Variants in FAM120B observed in about 807,000 individuals in gnomAD.
The protein encoded by FAM120B is family with sequence similarity 120 member B, also known as constitutive coactivator of peroxisome proliferator-activated receptor gamma.
Under a neutral mutation model 96.3 loss-of-function variants are expected in FAM120B, and 83 were observed. The observed-to-expected ratio is 0.86, with a 90% CI of 0.72 to 1.03. FAM120B has a LOEUF of 1.03. Ranked by LOEUF, FAM120B falls within the 50% of genes least tolerant of loss-of-function variation. FAM120B has a pLI of 0.00. For missense variants in FAM120B, 1,027 were observed against 1,121.2 expected, an observed-to-expected ratio of 0.92 and a Z score of 1.20; for synonymous variants, 407 against 402.7, an observed-to-expected ratio of 1.01 and a Z score of -0.13.
chr6:170,311,723 G>T (rs1207981990), intron 1 of FAM120B, among the ~76,000 whole-genome samples: 1 of 152,230 alleles, frequency 6.6e-6, no homozygotes, highest in Non-Finnish European at 1.5e-5. Flanking sequence ...TCATAGCTCA[G>T]TGACTACTCC....
chr6:170,339,529 C>T (rs1255915402), intron 4 of FAM120B, among the ~76,000 whole-genome samples: 4 of 151,882 alleles, frequency 2.6e-5, no homozygotes, highest in Non-Finnish European at 4.4e-5. Context: ...TGGCTCATGC[C>T]TGTAATCCCA....
At chr6:170,323,337 T>C (rs1785416668) in intron 3 of FAM120B, 78 bp downstream of exon 3, 2 of 1,222,014 alleles carry the variant, frequency 1.6e-6, no homozygotes, top group South Asian at 2.9e-5. Flanking sequence ...TGAAATAGAG[T>C]GCATTCTTTC....
chr6:170,373,678 G>A (rs969303595), intron 6 of FAM120B, among the ~76,000 whole-genome samples: 3 of 152,164 alleles, frequency 2.0e-5, no homozygotes, highest in African/African-American at 7.2e-5. Flanking sequence ...CCGAGAAGAG[G>A]TGTAATTTAC....
chr6:170,405,022 A>G lies in FAM120B; in HGVS notation c.*271A>G, dbSNP rs1034602168. 1.2e-5 allele frequency: 2 copies of G among 169,258 alleles called. No homozygotes were observed. Among genetic ancestry groups the G allele is most frequent in the African/African-American group, 4.8e-5 (2 of 41,954 alleles). The allele number at this position is 169,258 out of a possible 1,614,324, so 10.5% of individuals were successfully genotyped here. On this transcript the variant is annotated 3_prime_UTR_variant, in exon 11 of 11. Coordinates refer to ENST00000476287, the MANE Select transcript of FAM120B (RefSeq NM_032448.3). ...TTCATGTGTTTCATTCTGATCTTTC[A>G]TTCATATATATGATGCCTAGCTAAT... is the stretch of plus-strand genomic sequence containing the variant.
intron 6 of FAM120B, among the ~76,000 whole-genome samples, chr6:170,361,230 A>ACG (rs1788413025): frequency 7.9e-6 from 1 of 126,742 alleles, no homozygotes; most frequent in Admixed American, 8.4e-5. Flanking sequence ...ATATATATAT[A>ACG]TATATACACG....
chr6:170,398,428 T>G (rs1778325715), intron 9 of FAM120B, among the ~76,000 whole-genome samples: 1 of 150,262 alleles, frequency 6.7e-6, no homozygotes, highest in South Asian at 2.1e-4. Flanking sequence ...CTCTTAGGAG[T>G]GAGTGAGAAA....
At chr6:170,378,936 G>T (rs1425538259) in intron 6 of FAM120B, among the ~76,000 whole-genome samples, 1 of 152,264 alleles carries the variant, frequency 6.6e-6, no homozygotes, top group Non-Finnish European at 1.5e-5. Context: ...CAGTGCCAAG[G>T]GTGGGGGTGT....
Position 170,389,461 on chromosome 6 carries a change from G to A in FAM120B, c.2490+968G>A, listed in dbSNP as rs770170544. On this transcript the variant is annotated intron_variant, in intron 7 of 10. Coordinates refer to ENST00000476287, the MANE Select transcript of FAM120B (RefSeq NM_032448.3). Reference sequence around the variant, plus strand: ...CCAAACTTATGGTTAGGTAGGGCGAGCAGTATCACACCCAGTCTGACACAT... The same window carrying A: ...CCAAACTTATGGTTAGGTAGGGCGAACAGTATCACACCCAGTCTGACACAT... Among the ~76,000 whole-genome samples, 4 of 152,036 alleles carry A rather than the reference G, an allele frequency of 2.6e-5. No homozygotes were observed. In the South Asian group the frequency reaches 6.2e-4, roughly 24 times the overall value.
At chr6:170,368,182 G>A (rs1313907277) in intron 6 of FAM120B, among the ~76,000 whole-genome samples, 1 of 152,194 alleles carries the variant, frequency 6.6e-6, no homozygotes, top group Non-Finnish European at 1.5e-5. Context: ...ATAGACCAGG[G>A]TTTTAGGCTC....
rs114084699 is a variant in FAM120B at position 170,394,726 on chromosome 6, C to T, written c.2600-761C>T. Among the ~76,000 whole-genome samples, 336 of 148,416 alleles carry T rather than the reference C, an allele frequency of 2.3e-3. 13 individuals are homozygous for T. Among genetic ancestry groups the T allele is most frequent in the African/African-American group, 8.3e-3 (315 of 37,916 alleles). ...GCCTCCGTGGACACCGCAGCATGTCCAGGGAGGACCAGCCTGGTGGAGGCA... is the reference window on the plus strand; with the variant it reads ...GCCTCCGTGGACACCGCAGCATGTCTAGGGAGGACCAGCCTGGTGGAGGCA... On this transcript the variant is annotated intron_variant, in intron 8 of 10. Transcript: ENST00000476287.
At chr6:170,361,208 A>ATATATATATATATATACGTG (rs1562566730) in intron 6 of FAM120B, among the ~76,000 whole-genome samples, 9 of 79,158 alleles carry the variant, frequency 1.1e-4, no homozygotes, top group Non-Finnish European at 2.3e-4. Flanking sequence ...GTATATATAT[A>ATATATATATATATATACGTG]TATATATATA....
Position 170,406,871 on chromosome 6 carries a change from A to G in FAM120B, c.*2120A>G, listed in dbSNP as rs777336726. The stretch of plus-strand genomic sequence containing the variant: ...CATAATACCTAAATTCTAGTTTGTC[A>G]GTAAAATATTTGTGTTTGGTTAACA... On this transcript the variant is annotated 3_prime_UTR_variant, in exon 11 of 11. Coordinates refer to ENST00000476287, the MANE Select transcript of FAM120B (RefSeq NM_032448.3). 1 of 152,206 alleles carries G rather than the reference A, an allele frequency of 6.6e-6. No homozygotes were observed. Among genetic ancestry groups the G allele is most frequent in the Non-Finnish European group, 1.5e-5 (1 of 68,024 alleles). 9.4% of individuals were successfully genotyped at this position (152,206 alleles called of 1,614,324 possible).
chr6:170,330,613 A>G (rs1785956188), intron 4 of FAM120B, 63 bp downstream of exon 4: 2 of 1,245,288 alleles, frequency 1.6e-6, no homozygotes, highest in Non-Finnish European at 2.3e-6. Context: ...AAGTCTAAGA[A>G]TGCATCAGTT....
At chr6:170,404,258 G>A (rs940042526) in intron 9 of FAM120B, 8 of 331,548 alleles carry the variant, frequency 2.4e-5, no homozygotes, top group Non-Finnish European at 3.3e-5. Context: ...TCCAAAAGTC[G>A]TCAGCAATAG....
intron 1 of FAM120B, among the ~76,000 whole-genome samples, chr6:170,309,258 TTTAAA>T (rs1477905810): frequency 1.3e-5 from 2 of 152,234 alleles, no homozygotes; most frequent in African/African-American, 4.8e-5. Flanking sequence ...ATGTTTAAAG[TTTAAA>T]TTATTTATGC....
At chr6:170,401,570 C>T (rs951162328) in intron 9 of FAM120B, among the ~76,000 whole-genome samples, 7 of 152,114 alleles carry the variant, frequency 4.6e-5, no homozygotes, top group African/African-American at 1.7e-4. Context: ...CCAGGACAGG[C>T]ACCGCCAGTA....
intron 8 of FAM120B, 88 bp downstream of exon 8, chr6:170,391,209 G>A (rs755733669): frequency 4.5e-6 from 4 of 892,494 alleles, no homozygotes; most frequent in Admixed American, 4.0e-5. Flanking sequence ...ATTCTAAGAA[G>A]AGGCTGATAT....
At chr6:170,297,596 G>GT (rs1784045908) in intron 1 of FAM120B, among the ~76,000 whole-genome samples, 1 of 142,172 alleles carries the variant, frequency 7.0e-6, no homozygotes, top group African/African-American at 2.5e-5. Context: ...AACGTGTGAA[G>GT]TTATTCAACT....
chr6:170,301,279 A>G (rs1784135667), intron 1 of FAM120B, among the ~76,000 whole-genome samples: 1 of 152,252 alleles, frequency 6.6e-6, no homozygotes, highest in Non-Finnish European at 1.5e-5. Flanking sequence ...CTGAAGCCAC[A>G]GCCTGATCTG....
Sources: gnomAD v4.1 joint callset for allele counts (sites outside exome capture counted in the v4.1 genomes callset) on GRCh38, gnomAD v4.1.1 for gene constraint, MANE v1.5 for transcripts, NCBI Gene and HGNC (gene_info 2026-07-23, HGNC 2026-07-21) for gene names.